The following YWHAZ variants were observed in gnomAD, a reference collection of about 807,000 sequenced individuals.
The protein encoded by YWHAZ is 14-3-3 protein zeta/delta.
For missense variants in YWHAZ, 79 were observed against 284.8 expected (o/e 0.28, Z 5.20); for synonymous variants, 87 against 103.6 (o/e 0.84, Z 0.97).
At position 100,924,286 on chromosome 8, in the gene YWHAZ, T is replaced by C. The variant is rs778437722; in HGVS notation, c.431A>G (p.Gln144Arg). 3 of 1,612,902 alleles carry C rather than the reference T, an allele frequency of 1.9e-6. No individual in the cohort carries two copies. The highest frequency in any genetic ancestry group is 2.5e-6 in the Non-Finnish European group (3 of 1,179,778). The change falls in exon 4 of 6, where the codon CAG becomes CGG. Residue 144 changes from glutamine to arginine, a missense_variant. Physicochemically the swap from Gln to Arg is conservative, Grantham distance 43. Transcript: ENST00000395958. The surrounding 1 kb of genome is among the most constrained non-coding windows in gnomAD (Gnocchi z 5.7). ...AGDDKKGIVD[Q>R]SQQAYQEAFE... Reference sequence around the variant, plus strand: ...AGCTTCTTGGTATGCTTGTTGTGACTGATCGACAATCCCTGGATAAGACAC... The same window carrying C: ...AGCTTCTTGGTATGCTTGTTGTGACCGATCGACAATCCCTGGATAAGACAC...
At chr8:100,949,659 T>C (rs1292280719) in intron 1 of YWHAZ, among the ~76,000 whole-genome samples, 1 of 152,226 alleles carries the variant, frequency 6.6e-6, no homozygotes, top group Non-Finnish European at 1.5e-5. Context: ...CTAGAATATA[T>C]CACATTGGAA....
chr8:100,951,489 C>G (rs1225948238), intron 1 of YWHAZ: 2 of 984,924 alleles, frequency 2.0e-6, no homozygotes, highest in African/African-American at 3.5e-5. Context: ...CCGCCGCCGC[C>G]GAGTCATTAT....
rs1333013268 is a variant in YWHAZ at position 100,948,194 on chromosome 8, A to C, written c.294+402T>G. 1.4e-6 allele frequency: 2 copies of C among 1,452,704 alleles called. No individual in the cohort carries two copies. Among genetic ancestry groups the C allele is most frequent in the Non-Finnish European group, 1.8e-6 (2 of 1,083,906 alleles). The allele number at this position is 1,452,704 out of a possible 1,614,324, so 90.0% of individuals were successfully genotyped here. On this transcript the variant is annotated intron_variant, in intron 2 of 5. Coordinates refer to ENST00000395958, the MANE Select transcript of YWHAZ (RefSeq NM_145690.3). The surrounding 1 kb of genome is among the most constrained non-coding windows in gnomAD (Gnocchi z 4.2). ...TCCTGAGAAGAGTACTATTTCTACA[A>C]TGAGTATCCTATTACATCTCTCTTA... is the stretch of plus-strand genomic sequence containing the variant.
intron 2 of YWHAZ, among the ~76,000 whole-genome samples, chr8:100,938,793 T>A (rs898671373): frequency 6.6e-6 from 1 of 152,210 alleles, no homozygotes; most frequent in East Asian, 1.9e-4. Flanking sequence ...GATTTGCAAT[T>A]TCCTCACTTG....
Position 100,920,727 on chromosome 8 carries a change from T to A in YWHAZ, c.704A>T (p.Asp235Val). The change falls in exon 6 of 6, where the codon GAC becomes GTC. Residue 235 changes from aspartate to valine, a missense_variant. Coordinates refer to ENST00000395958, the MANE Select transcript of YWHAZ (RefSeq NM_145690.3). Reference sequence around the variant, plus strand: ...CCCTCCTTCTCCTGCTTCAGCTTCGTCTCCTTGGGTATCCGATGTCCACAA... The same window carrying A: ...CCCTCCTTCTCCTGCTTCAGCTTCGACTCCTTGGGTATCCGATGTCCACAA... ...LTLWTSDTQG[D>V]EAEAGEGGEN 1.1e-5 allele frequency: 16 copies of A among 1,483,344 alleles called. No individual in the cohort carries two copies. Among genetic ancestry groups the A allele is most frequent in the Non-Finnish European group, 1.5e-5 (16 of 1,101,026 alleles). The allele number at this position is 1,483,344 out of a possible 1,614,324, so 91.9% of individuals were successfully genotyped here.
intron 1 of YWHAZ, chr8:100,951,638 T>G (rs1447261928): frequency 5.1e-6 from 5 of 984,400 alleles, no homozygotes; most frequent in Non-Finnish European, 6.0e-6. Context: ...TCCCCAGGGA[T>G]CTCGCGTGTG....
At chr8:100,947,146 C>T (rs1810349701) in intron 2 of YWHAZ, among the ~76,000 whole-genome samples, 3 of 149,882 alleles carry the variant, frequency 2.0e-5, no homozygotes, top group East Asian at 3.9e-4. Context: ...CTCAGCTATT[C>T]GGGAGGCTGA....
At position 100,920,668 on chromosome 8, in the gene YWHAZ, A is replaced by G. The variant is rs1563665543; in HGVS notation, c.*25T>C. On this transcript the variant is annotated 3_prime_UTR_variant, in exon 6 of 6. Transcript: ENST00000395958. ...GGTCTACTGTGTAAATTTTAGAATG[A>G]GGCAGACAAAAGTTGGAAGGCCGGT... is the stretch of plus-strand genomic sequence containing the variant. 1.3e-6 allele frequency: 2 copies of G among 1,588,822 alleles called. No homozygotes were observed. The highest frequency in any genetic ancestry group is 2.7e-5 in the African/African-American group (2 of 74,518).
rs1302672425 is a variant in YWHAZ at position 100,950,663 on chromosome 8, G to GT, written c.-12+1265_-12+1266insA. 3,521 of 910,002 alleles carry GT rather than the reference G, an allele frequency of 3.9e-3. 74 individuals carry two copies. Among genetic ancestry groups the GT allele is most frequent in the Non-Finnish European group, 4.4e-3 (3,380 of 761,614 alleles). 56.4% of individuals were successfully genotyped at this position (910,002 alleles called of 1,614,324 possible). Reference sequence around the variant, plus strand: ...CGCGCCCCCGCCCAAGCCGTGGGGGGGGGGGAGAGATGGGGAGCGAAGCCG... The same window carrying GT: ...CGCGCCCCCGCCCAAGCCGTGGGGGGTGGGGGAGAGATGGGGAGCGAAGCCG... On this transcript the variant is annotated intron_variant, in intron 1 of 5. Coordinates refer to ENST00000395958, the MANE Select transcript of YWHAZ (RefSeq NM_145690.3).
chr8:100,951,164 G>A (rs931664092), intron 1 of YWHAZ: 16 of 983,864 alleles, frequency 1.6e-5, no homozygotes, highest in South Asian at 1.4e-4. Flanking sequence ...GGTCCCAGGC[G>A]AGCCCCACCC....
chr8:100,950,284 A>G (rs1181391145), intron 1 of YWHAZ: 1 of 782,294 alleles, frequency 1.3e-6, no homozygotes, highest in African/African-American at 1.9e-5. Flanking sequence ...AGTACAAAGG[A>G]TTCTCTCCCC....
chr8:100,936,401 A>G (rs1391091563), intron 2 of YWHAZ, among the ~76,000 whole-genome samples: 2 of 152,166 alleles, frequency 1.3e-5, no homozygotes, highest in African/African-American at 4.8e-5. Flanking sequence ...CACTATCTAA[A>G]TATAATTGGT....
intron 2 of YWHAZ, among the ~76,000 whole-genome samples, chr8:100,925,502 T>G (rs1813298101): frequency 6.6e-6 from 1 of 152,156 alleles, no homozygotes; most frequent in African/African-American, 2.4e-5. Flanking sequence ...AAGGAGTCCA[T>G]GCCAGAGAAG....
At chr8:100,934,209 T>C (rs976811124) in intron 2 of YWHAZ, among the ~76,000 whole-genome samples, 2 of 148,456 alleles carry the variant, frequency 1.3e-5, no homozygotes, top group African/African-American at 5.0e-5. Flanking sequence ...AGTGTGCACT[T>C]GCACTCCCAG....
chr8:100,932,973 G>A (rs995653744), intron 2 of YWHAZ, among the ~76,000 whole-genome samples: 28 of 152,134 alleles, frequency 1.8e-4, no homozygotes, highest in African/African-American at 6.5e-4. Context: ...TTAGCGATAA[G>A]GAACCAGTAA....
At chr8:100,951,548 G>C (rs1207748934) in intron 1 of YWHAZ, 2 of 985,418 alleles carry the variant, frequency 2.0e-6, no homozygotes, top group Admixed American at 6.1e-5. Flanking sequence ...GAAGCCCGCA[G>C]AGACAAGGGT....
At chr8:100,927,488 C>T (rs1197449463) in intron 2 of YWHAZ, among the ~76,000 whole-genome samples, 1 of 152,134 alleles carries the variant, frequency 6.6e-6, no homozygotes, top group Non-Finnish European at 1.5e-5. Flanking sequence ...TGAATTATAC[C>T]ACTGTACTCT....
chr8:100,952,934 A>G, upstream of YWHAZ: 2 of 1,000,390 alleles, frequency 2.0e-6, no homozygotes, highest in Non-Finnish European at 2.4e-6. Context: ...TGGCTGAGTG[A>G]TGGGGAGGCG....
At position 100,939,642 on chromosome 8, in the gene YWHAZ, A is replaced by G. The variant is rs1479857392; in HGVS notation, c.294+8954T>C. ...CCATTGCACTCCAGCCTGGGCAACA[A>G]GAGTGAAACTCCATCTCAAAAAAAA... is the stretch of plus-strand genomic sequence containing the variant. On this transcript the variant is annotated intron_variant, in intron 2 of 5. Transcript: ENST00000395958. 2.7e-5 allele frequency among the ~76,000 whole-genome samples: 4 copies of G among 148,452 alleles called. No individual in the cohort carries two copies. The East Asian group carries it at 8.3e-4, about 31-fold the overall frequency.
Sources: allele counts gnomAD v4.1 joint callset (sites outside exome capture counted in the v4.1 genomes callset), GRCh38; gene constraint gnomAD v4.1.1; non-coding constraint Gnocchi (gnomAD v3.1); transcripts MANE v1.5; gene names NCBI Gene and HGNC (gene_info 2026-07-23, HGNC 2026-07-21).